Variants in UBR3 observed in about 807,000 individuals in gnomAD.
The protein encoded by UBR3 is ubiquitin protein ligase E3 component n-recognin 3, also known as E3 ubiquitin-protein ligase UBR3.
UBR3 carries 85 observed loss-of-function variants against 243.2 expected under a neutral mutation model. The ratio of observed to expected loss-of-function variants is 0.35; its 90% CI spans 0.29 to 0.42. The LOEUF (loss-of-function observed/expected upper bound fraction) is 0.42, where lower values mean the gene tolerates loss of function less well. Ranked by LOEUF, UBR3 falls within the 10% of genes least tolerant of loss-of-function variation. The pLI, the probability that UBR3 is intolerant of heterozygous loss-of-function variation, is 1.00. For missense variants in UBR3, 1,686 were observed against 2,300.8 expected (o/e 0.73, Z 5.47); for synonymous variants, 748 against 799.8 (o/e 0.94, Z 1.09).
At chr2:170,043,120 T>C (rs1389710782) in intron 32 of UBR3, among the ~76,000 whole-genome samples, 1 of 152,134 alleles carries the variant, frequency 6.6e-6, no homozygotes, top group East Asian at 1.9e-4. Context: ...AATATTTAAG[T>C]GTGTTAAATA....
chr2:170,003,401 C>T (rs1219256380), intron 27 of UBR3, among the ~76,000 whole-genome samples: 3 of 152,166 alleles, frequency 2.0e-5, no homozygotes, highest in Non-Finnish European at 2.9e-5. Flanking sequence ...ATCAGTTCAA[C>T]ATTAATAAGC....
intron 26 of UBR3, among the ~76,000 whole-genome samples, chr2:169,999,520 G>A (rs924027246): frequency 6.6e-6 from 1 of 152,192 alleles, no homozygotes; most frequent in Non-Finnish European, 1.5e-5. Context: ...GATTGATTCA[G>A]TTTTTTAAGC....
chr2:169,845,531 GTCTTCTTCTTCTTCTTCTTCTT>G (rs1204877776), intron 1 of UBR3, among the ~76,000 whole-genome samples: 1 of 105,184 alleles, frequency 9.5e-6, no homozygotes, highest in Non-Finnish European at 1.9e-5. Flanking sequence ...CGTCGTCGTC[GTCTTCTTCTTCTTCTTCTTCTT>G]TCTTCTTCTT....
At chr2:170,042,346 A>G (rs563908210) in intron 32 of UBR3, among the ~76,000 whole-genome samples, 5 of 152,178 alleles carry the variant, frequency 3.3e-5, no homozygotes, top group Non-Finnish European at 7.3e-5. Context: ...TGGATATACA[A>G]CATGGTTTAT....
intron 1 of UBR3, among the ~76,000 whole-genome samples, chr2:169,837,899 C>A (rs1396265885): frequency 6.6e-6 from 1 of 152,188 alleles, no homozygotes; most frequent in Non-Finnish European, 1.5e-5. Context: ...TCTATAATGT[C>A]ACCTCTATCA....
Position 170,083,182 on chromosome 2 carries a change from T to TATAAAAATA in UBR3, c.*1341_*1342insAAAAATAAT, listed in dbSNP as rs58433925. The TATAAAAATA allele has an allele frequency of 0.28, 43,149 of 152,234 alleles. 6,401 individuals carry two copies. Among genetic ancestry groups the TATAAAAATA allele is most frequent in the East Asian group, 0.42 (2,146 of 5,164 alleles). The allele number at this position is 152,234 out of a possible 1,614,324, so 9.4% of individuals were successfully genotyped here. On this transcript the variant is annotated 3_prime_UTR_variant, in exon 39 of 39. Coordinates refer to ENST00000272793, the MANE Select transcript of UBR3 (RefSeq NM_172070.4). ...AAACTAAACAAATCTAATGATAAAA[T>TATAAAAATA]ATGTCAGATCCATGTTCTAAAAAAT...
At chr2:170,052,361 A>G (rs530777166) in intron 32 of UBR3, among the ~76,000 whole-genome samples, 69 of 152,314 alleles carry the variant, frequency 4.5e-4, no homozygotes, top group Non-Finnish European at 6.3e-4. Context: ...CATCCTAAGG[A>G]AGTAAAATCA....
chr2:169,990,996 A>G (rs965745177), intron 25 of UBR3, among the ~76,000 whole-genome samples: 2 of 152,160 alleles, frequency 1.3e-5, no homozygotes, highest in Non-Finnish European at 2.9e-5. Flanking sequence ...CAGAGACACA[A>G]TAAGTTGAAA....
At position 170,081,784 on chromosome 2, in the gene UBR3, A is replaced by T; in HGVS notation, c.5608A>T (p.Ile1870Phe). The change falls in exon 39 of 39, where the codon ATT becomes TTT. Residue 1870 changes from isoleucine to phenylalanine, a missense_variant. Around this residue, in one of 8 missense-constraint regions of UBR3, gnomAD observed 89 missense variants for 183.3 expected, o/e 0.49. Coordinates refer to ENST00000272793, the MANE Select transcript of UBR3 (RefSeq NM_172070.4). ...ERYKVLEQQW[I>F]SHTFDHINKR... ...ATACAAAGTTCTTGAGCAACAGTGG[A>T]TTTCTCATACTTTTGATCACATCAA... The T allele has an allele frequency of 6.2e-7, 1 of 1,609,204 alleles. No homozygotes were observed. The highest frequency in any genetic ancestry group is 8.5e-7 in the Non-Finnish European group (1 of 1,177,370).
Position 169,928,852 on chromosome 2 carries a change from C to A in UBR3, c.2550C>A (p.Gly850=). The A allele has an allele frequency of 1.4e-6, 2 of 1,476,810 alleles. No homozygotes were observed. The highest frequency in any genetic ancestry group is 1.8e-6 in the Non-Finnish European group (2 of 1,096,002). The allele number at this position is 1,476,810 out of a possible 1,614,324, so 91.5% of individuals were successfully genotyped here. A position where few individuals can be genotyped will look rare whatever the true frequency, so the allele number is the denominator to read the frequency against. Residue 850 remains glycine, a synonymous_variant, in exon 18 of 39, where the codon GGC becomes GGA. Coordinates refer to ENST00000272793, the MANE Select transcript of UBR3 (RefSeq NM_172070.4). ...VFEPGGSMQQ[G]MYTPKAEVWD... is the part of the protein sequence containing the mutation. ...AACCTGGAGGTTCTATGCAACAAGG[C>A]ATGTATACTCCCAAAGGTATGTTTA...
chr2:169,838,799 C>T (rs940699221), intron 1 of UBR3, among the ~76,000 whole-genome samples: 4 of 152,192 alleles, frequency 2.6e-5, no homozygotes, highest in Admixed American at 2.6e-4. Context: ...TCATTTCAAT[C>T]AGATACGGTG....
intron 24 of UBR3, among the ~76,000 whole-genome samples, chr2:169,959,632 T>C (rs892035607): frequency 3.3e-5 from 5 of 152,224 alleles, no homozygotes; most frequent in East Asian, 1.9e-4. Context: ...AATTGGCTTA[T>C]GTAATTACAA....
At chr2:169,922,874 GA>G (rs1268115229) in intron 11 of UBR3, among the ~76,000 whole-genome samples, 2 of 151,774 alleles carry the variant, frequency 1.3e-5, no homozygotes, top group African/African-American at 2.4e-5. Context: ...TACTGGTTTT[GA>G]AAAAAATAAT....
At chr2:169,987,296 G>A (rs1429407597) in intron 25 of UBR3, among the ~76,000 whole-genome samples, 1 of 151,484 alleles carries the variant, frequency 6.6e-6, no homozygotes, top group Non-Finnish European at 1.5e-5. Context: ...GGGAGCCTGA[G>A]GCAGGAGAAT....
At chr2:169,871,743 C>CAAAAAAA (rs562559554) in intron 1 of UBR3, among the ~76,000 whole-genome samples, 1 of 94,998 alleles carries the variant, frequency 1.1e-5, no homozygotes, top group African/African-American at 3.4e-5. Context: ...CCAAGACTCT[C>CAAAAAAA]AAAAAAAAAA....
At chr2:169,880,773 C>T (rs1282951187) in intron 5 of UBR3, among the ~76,000 whole-genome samples, 1 of 152,138 alleles carries the variant, frequency 6.6e-6, no homozygotes, top group Non-Finnish European at 1.5e-5. Context: ...CGCCTCCATC[C>T]TCAAGTAGGC....
At chr2:170,021,276 T>A (rs989077874) in intron 30 of UBR3, among the ~76,000 whole-genome samples, 39 of 152,244 alleles carry the variant, frequency 2.6e-4, no homozygotes, top group Non-Finnish European at 3.7e-4. Flanking sequence ...TTTAGCTCAA[T>A]TTTTGTCTTA....
rs537390471 is a variant in UBR3, at chr2:169,895,890, A to T, written c.1236+579A>T. On this transcript the variant is annotated intron_variant, in intron 7 of 38. Transcript: ENST00000272793. Reference sequence around the variant, plus strand: ...TGAAAAGAAAATAAAGCATGCTGTTATTTTTATGGTGTAGGTTAGGAGAGA... The same window carrying T: ...TGAAAAGAAAATAAAGCATGCTGTTTTTTTTATGGTGTAGGTTAGGAGAGA... 5.3e-5 allele frequency among the ~76,000 whole-genome samples: 8 copies of T among 151,976 alleles called. No homozygotes were observed. In the East Asian group the frequency reaches 1.4e-3, roughly 26 times the overall value.
chr2:170,010,914 A>G (rs1423868073), intron 29 of UBR3, among the ~76,000 whole-genome samples: 2 of 48,050 alleles, frequency 4.2e-5, no homozygotes, highest in Admixed American at 1.7e-4. Flanking sequence ...CCATAATCTC[A>G]GAACTTGAGA....
Sources: allele counts gnomAD v4.1 joint callset (sites outside exome capture counted in the v4.1 genomes callset), GRCh38; gene constraint gnomAD v4.1.1; regional missense constraint gnomAD v4.1.1; transcripts MANE v1.5; gene names NCBI Gene and HGNC (gene_info 2026-07-23, HGNC 2026-07-21).